The following ERC2 variants were observed in gnomAD, a reference collection of about 807,000 sequenced individuals.
ERC2 encodes the protein ERC protein 2.
Under a neutral mutation model 114.8 loss-of-function variants are expected in ERC2, and 42 were observed. That is an observed-to-expected ratio of 0.37 (90% CI 0.29 to 0.47). The LOEUF is 0.47. Ranked by LOEUF, ERC2 falls within the 20% of genes least tolerant of loss-of-function variation. The pLI, the probability that ERC2 is intolerant of heterozygous loss-of-function variation, is 0.99. For synonymous variants in ERC2, 454 were observed against 425.5 expected (o/e 1.07, Z -0.82); for missense variants, 939 against 1,150.7 (o/e 0.82, Z 2.66).
At chr3:55,836,300 A>G (rs916168207) in intron 14 of ERC2, among the ~76,000 whole-genome samples, 14 of 152,328 alleles carry the variant, frequency 9.2e-5, no homozygotes, top group African/African-American at 3.4e-4. Flanking sequence ...TGCCAAGTCA[A>G]TCCTAAGCCA....
chr3:56,285,331 T>C (rs892125549), intron 3 of ERC2, among the ~76,000 whole-genome samples: 4 of 151,864 alleles, frequency 2.6e-5, no homozygotes, highest in Non-Finnish European at 5.9e-5. Flanking sequence ...GTCTGGAGAC[T>C]GTTTTGTTGC....
chr3:56,060,577 C>T, intron 7 of ERC2, among the ~76,000 whole-genome samples: 1 of 152,218 alleles, frequency 6.6e-6, no homozygotes, highest in East Asian at 1.9e-4. Flanking sequence ...CCAACAGGTG[C>T]TTCATAAAGG....
intron 16 of ERC2, among the ~76,000 whole-genome samples, chr3:55,691,853 C>T (rs570819996): frequency 1.3e-5 from 2 of 151,982 alleles, no homozygotes; most frequent in Non-Finnish European, 2.9e-5. Flanking sequence ...TATATTCAAA[C>T]ATGCACTCAG....
intron 2 of ERC2, among the ~76,000 whole-genome samples, chr3:56,396,055 T>C (rs928672670): frequency 1.3e-5 from 2 of 152,156 alleles, no homozygotes; most frequent in Non-Finnish European, 2.9e-5. Context: ...AAGACCAGGA[T>C]TGGAAAATTT....
chr3:55,835,406 G>T (rs2060827710), intron 14 of ERC2, among the ~76,000 whole-genome samples: 1 of 152,170 alleles, frequency 6.6e-6, no homozygotes, highest in African/African-American at 2.4e-5. Context: ...TATCCACCAT[G>T]ATCAAGTGGG....
At chr3:56,076,675 C>G (rs1280711777) in intron 7 of ERC2, among the ~76,000 whole-genome samples, 2 of 152,128 alleles carry the variant, frequency 1.3e-5, no homozygotes, top group African/African-American at 4.8e-5. Flanking sequence ...TTAGTAGGGC[C>G]AAAAATCCAC....
chr3:55,561,482 T>A (rs2056015301), intron 17 of ERC2, among the ~76,000 whole-genome samples: 1 of 152,154 alleles, frequency 6.6e-6, no homozygotes, highest in Non-Finnish European at 1.5e-5. Context: ...TGGGCATTTG[T>A]CAGAACTTAA....
At chr3:55,752,513 T>C (rs1227481237) in intron 14 of ERC2, among the ~76,000 whole-genome samples, 1 of 152,178 alleles carries the variant, frequency 6.6e-6, no homozygotes, top group Admixed American at 6.5e-5. Context: ...TTGCCAAGAC[T>C]GCTGAACAAG....
intron 17 of ERC2, among the ~76,000 whole-genome samples, chr3:55,636,104 G>A (rs2059948951): frequency 6.6e-6 from 1 of 151,804 alleles, no homozygotes; most frequent in African/African-American, 2.4e-5. Flanking sequence ...TTGAACTCCT[G>A]ACCTCAGGTG....
chr3:55,912,076 T>A (rs2149365236), intron 13 of ERC2, among the ~76,000 whole-genome samples: 1 of 152,324 alleles, frequency 6.6e-6, no homozygotes, highest in South Asian at 2.1e-4. Context: ...TGTATGAGTT[T>A]CCTCATTGGT....
intron 2 of ERC2, among the ~76,000 whole-genome samples, chr3:56,409,205 C>A (rs2060844757): frequency 2.0e-5 from 3 of 152,208 alleles, no homozygotes; most frequent in African/African-American, 7.2e-5. Context: ...AGAGTGTATG[C>A]GTGTATGCAT....
intron 12 of ERC2, among the ~76,000 whole-genome samples, chr3:55,974,053 G>T (rs1413093160): frequency 6.6e-6 from 1 of 152,178 alleles, no homozygotes; most frequent in Non-Finnish European, 1.5e-5. Flanking sequence ...CTCTCTAGCA[G>T]CCGGGAGAAC....
At chr3:55,546,120 C>T (rs1448946262) in intron 17 of ERC2, among the ~76,000 whole-genome samples, 1 of 152,182 alleles carries the variant, frequency 6.6e-6, no homozygotes, top group Non-Finnish European at 1.5e-5. Flanking sequence ...AGGGTCCAGA[C>T]ATCTGGCTCT....
chr3:55,770,726 C>T (rs1490279766), intron 14 of ERC2, among the ~76,000 whole-genome samples: 1 of 152,034 alleles, frequency 6.6e-6, no homozygotes, highest in African/African-American at 2.4e-5. Context: ...ACACATGTGC[C>T]ATGGTGGTTT....
chr3:55,967,065 TAGAC>T lies in ERC2; in HGVS notation c.2268-16509_2268-16506del, dbSNP rs530171946. On this transcript the variant is annotated intron_variant, in intron 12 of 17. Transcript: ENST00000288221. ...AAAACTATCTGATACTCCTTGAAAA[TAGAC>T]AGACAGGAGTAAGCTTACTCTAACA... is the stretch of plus-strand genomic sequence containing the variant. 1.3e-3 allele frequency among the ~76,000 whole-genome samples: 198 copies of T among 152,294 alleles called. 1 individual carries two copies. The Middle Eastern group carries it at 0.014, about 10-fold the overall frequency.
At chr3:56,449,835 A>C (rs2062751151) in intron 1 of ERC2, among the ~76,000 whole-genome samples, 1 of 152,264 alleles carries the variant, frequency 6.6e-6, no homozygotes, top group Admixed American at 6.5e-5. Context: ...GCCCAAAGCT[A>C]CCAGAATATA....
At chr3:55,931,369 T>G (rs1013227471) in intron 13 of ERC2, among the ~76,000 whole-genome samples, 8 of 152,178 alleles carry the variant, frequency 5.3e-5, no homozygotes, top group African/African-American at 1.9e-4. Context: ...CCATCAGTGA[T>G]AGACTGGATA....
chr3:56,293,638 C>T (rs1446732657), intron 3 of ERC2, among the ~76,000 whole-genome samples: 2 of 152,212 alleles, frequency 1.3e-5, no homozygotes, highest in Non-Finnish European at 2.9e-5. Flanking sequence ...AATTCTCCCC[C>T]TCTTGATGAG....
intron 17 of ERC2, among the ~76,000 whole-genome samples, chr3:55,610,120 C>CCCAAA (rs2058839597): frequency 6.9e-6 from 1 of 144,808 alleles, no homozygotes; most frequent in Non-Finnish European, 1.5e-5. Flanking sequence ...TTAACCTTGA[C>CCCAAA]ACTTGAAGTT....
Sources: gnomAD v4.1 joint callset for allele counts (sites outside exome capture counted in the v4.1 genomes callset) on GRCh38, gnomAD v4.1.1 for gene constraint, MANE v1.5 for transcripts, NCBI Gene and HGNC (gene_info 2026-07-23, HGNC 2026-07-21) for gene names.